FCN3: variants seen among roughly 807,000 people sequenced by gnomAD.
FCN3 encodes the protein ficolin-3.
In FCN3, 28 loss-of-function variants were observed where a neutral mutation model predicts 31.5. The ratio of observed to expected loss-of-function variants is 0.89; its 90% CI spans 0.66 to 1.22. The LOEUF is 1.22. Among genes scored for constraint, FCN3 ranks in the 50% most tolerant of loss-of-function variants. The pLI is 0.00. For synonymous variants in FCN3, 124 were observed against 147.4 expected, an observed-to-expected ratio of 0.84 and a Z score of 1.15; for missense variants, 351 against 386.8, an observed-to-expected ratio of 0.91 and a Z score of 0.78.
At chr1:27,372,262 T>C (rs1252470363) in intron 5 of FCN3, among the ~76,000 whole-genome samples, 4 of 151,446 alleles carry the variant, frequency 2.6e-5, no homozygotes, top group African/African-American at 9.7e-5. Flanking sequence ...TTTTTTTTTT[T>C]TTTAAGACAG....
chr1:27,373,003 G>C lies in FCN3; in HGVS notation c.393+133C>G, dbSNP rs747788771. The stretch of plus-strand genomic sequence containing the variant: ...CCTCATACTTCTTCAGGTCCCATTG[G>C]GGGCTCACTAAACATTTGTCAGTGA... On this transcript the variant is annotated intron_variant, in intron 5 of 7. Transcript: ENST00000270879. The C allele has an allele frequency of 1.7e-5, 19 of 1,121,262 alleles. No homozygotes were observed. The African/African-American group carries it at 2.8e-4, about 17-fold the overall frequency. 69.5% of individuals were successfully genotyped at this position (1,121,262 alleles called of 1,614,324 possible). A position where few individuals can be genotyped will look rare whatever the true frequency, so the allele number is the denominator to read the frequency against.
intron 5 of FCN3, among the ~76,000 whole-genome samples, chr1:27,371,232 G>A (rs1047614776): frequency 8.5e-5 from 13 of 152,220 alleles, no homozygotes; most frequent in African/African-American, 3.1e-4. Flanking sequence ...CCCACCCACA[G>A]GAGATGGCCA....
At chr1:27,369,744 C>T (rs2016108645) in intron 7 of FCN3, among the ~76,000 whole-genome samples, 1 of 151,594 alleles carries the variant, frequency 6.6e-6, no homozygotes, top group South Asian at 2.1e-4. Flanking sequence ...CCTCTAGCTC[C>T]TTTGTCTTCT....
chr1:27,371,612 A>G (rs2016147346), intron 5 of FCN3, among the ~76,000 whole-genome samples: 1 of 152,178 alleles, frequency 6.6e-6, no homozygotes, highest in African/African-American at 2.4e-5. Context: ...AAGATATTTT[A>G]CATTAGAGAG....
At position 27,373,380 on chromosome 1, in the gene FCN3, G is replaced by A. The variant is rs549607106; in HGVS notation, c.265+108C>T. The A allele has an allele frequency of 3.8e-6, 6 of 1,593,732 alleles. No homozygotes were observed. The African/African-American group carries it at 6.7e-5, about 18-fold the overall frequency. The stretch of plus-strand genomic sequence containing the variant: ...CTCTTGGCTCCTTCAGGTCCCTGAA[G>A]AAGGGTTCTGAGGAGGCTGTGGGGA... On this transcript the variant is annotated intron_variant, in intron 4 of 7. Coordinates refer to ENST00000270879, the MANE Select transcript of FCN3 (RefSeq NM_003665.4).
rs2148072209 is a variant in FCN3 at position 27,373,204 on chromosome 1, G to T, written c.325C>A (p.Leu109Met). The T allele has an allele frequency of 6.2e-7, 1 of 1,614,114 alleles. No individual in the cohort carries two copies. The highest frequency in any genetic ancestry group is 1.1e-5 in the South Asian group (1 of 91,090). ...QGATLSGWYH[L>M]CLPEGRALPV... ...AGGGCCCTGCCCTCAGGTAGGCACA[G>T]ATGGTACCAGCCGCTCAAGGTGGCG... Residue 109 changes from leucine (L) to methionine (M), a missense_variant, in exon 5 of 8, where the codon CTG becomes ATG. Physicochemically the swap from Leu to Met is conservative, Grantham distance 15. Coordinates refer to ENST00000270879, the MANE Select transcript of FCN3 (RefSeq NM_003665.4).
chr1:27,373,913 TC>T, intron 3 of FCN3, 51 bp downstream of exon 3: 1 of 1,508,564 alleles, frequency 6.6e-7, no homozygotes, highest in Non-Finnish European at 9.2e-7. Context: ...CACCCTAGAG[TC>T]CAGGGACAGA....
In FCN3 at chr1:27,373,215, C is replaced by T. The variant is rs1160150860; in HGVS notation, c.314G>A (p.Gly105Asp). ...CTCAGGTAGGCACAGATGGTACCAG[C>T]CGCTCAAGGTGGCGCCCTGGCTCAA... ...ELLSQGATLS[G>D]WYHLCLPEGR... Residue 105 changes from glycine to aspartate, a missense_variant, in exon 5 of 8, where the codon GGC becomes GAC. By Grantham distance (94) the Gly-to-Asp change is moderately conservative. Transcript: ENST00000270879. The T allele has an allele frequency of 6.2e-7, 1 of 1,614,118 alleles. No homozygotes were observed. Among genetic ancestry groups the T allele is most frequent in the Admixed American group, 1.7e-5 (1 of 60,026 alleles).
chr1:27,374,483 G>T, intron 1 of FCN3, 32 bp from the exon 2 acceptor site: 1 of 1,433,918 alleles, frequency 7.0e-7, no homozygotes, highest in Non-Finnish European at 9.8e-7. Flanking sequence ...GTGGGCACAG[G>T]GTAGACTGTC....
chr1:27,371,253 G>A (rs1193489862), intron 5 of FCN3, among the ~76,000 whole-genome samples: 1 of 152,122 alleles, frequency 6.6e-6, no homozygotes, highest in Non-Finnish European at 1.5e-5. Context: ...GCGCTGCTGG[G>A]TGTCAGTCAA....
rs370680683 is a variant in FCN3 at position 27,373,241 on chromosome 1, C to T, written c.288G>A (p.Leu96=). 3.1e-6 allele frequency: 5 copies of T among 1,613,986 alleles called. No homozygotes were observed. In the African/African-American group the frequency reaches 6.7e-5, roughly 22 times the overall value. The change falls in exon 5 of 8, where the codon CTG becomes CTA. Residue 96 remains leucine (L), a synonymous_variant. Transcript: ENST00000270879. ...CGCTCAAGGTGGCGCCCTGGCTCAA[C>T]AGCTCCCGGCAGTTTCTGGGGCCTG... ...CQEGPRNCRE[L]LSQGATLSGW...
intron 5 of FCN3, 125 bp from the exon 6 acceptor site, chr1:27,371,097 G>A: frequency 1.1e-6 from 1 of 938,760 alleles, no homozygotes; most frequent in Non-Finnish European, 1.6e-6. Context: ...GATAAAATGG[G>A]GATCCTTCAA....
chr1:27,372,773 A>ATTTTTTTTTTTTTT (rs71010351), intron 5 of FCN3, among the ~76,000 whole-genome samples: 2 of 96,442 alleles, frequency 2.1e-5, no homozygotes, highest in Non-Finnish European at 3.9e-5. Context: ...TCCCTACCCT[A>ATTTTTTTTTTTTTT]TTTTTTTTTT....
chr1:27,373,752 C>A, intron 3 of FCN3: 1 of 644,128 alleles, frequency 1.6e-6, no homozygotes. Flanking sequence ...AGGCCCTTCT[C>A]CTAATCCTCC....
intron 6 of FCN3, 32 bp downstream of exon 6, chr1:27,370,811 C>A (rs985779728): frequency 6.2e-7 from 1 of 1,611,712 alleles, no homozygotes; most frequent in Non-Finnish European, 8.5e-7. Context: ...AGACAGTAAC[C>A]CCCAGACTCC....
chr1:27,373,563 AC>A (rs755516832), intron 3 of FCN3, 43 bp from the exon 4 acceptor site: 9 of 1,603,574 alleles, frequency 5.6e-6, no homozygotes, highest in South Asian at 1.1e-5. Flanking sequence ...ATGTCTCAGC[AC>A]CCCAGCGCTG....
chr1:27,374,554 G>C, intron 1 of FCN3, 103 bp from the exon 2 acceptor site: 1 of 867,168 alleles, frequency 1.2e-6, no homozygotes, highest in Non-Finnish European at 1.8e-6. Context: ...CAGGATGCTT[G>C]TCTCCTGAGC....
At chr1:27,369,801 G>GA (rs2016109609) in intron 7 of FCN3, among the ~76,000 whole-genome samples, 1 of 151,814 alleles carries the variant, frequency 6.6e-6, no homozygotes, top group African/African-American at 2.4e-5. Flanking sequence ...AAAGCTGGGA[G>GA]GAACCTCTTA....
At chr1:27,369,734 C>G (rs996181722) in intron 7 of FCN3, among the ~76,000 whole-genome samples, 2 of 151,848 alleles carry the variant, frequency 1.3e-5, no homozygotes, top group African/African-American at 4.8e-5. Flanking sequence ...CCCCGGCCCC[C>G]CTCTAGCTCC....
Sources: allele counts gnomAD v4.1 joint callset (sites outside exome capture counted in the v4.1 genomes callset), GRCh38; gene constraint gnomAD v4.1.1; transcripts MANE v1.5; gene names NCBI Gene and HGNC (gene_info 2026-07-23, HGNC 2026-07-21).